SH3PXD2A: variants seen among roughly 807,000 people sequenced by gnomAD.
SH3PXD2A encodes the protein SH3 and PX domains 2A, also known as SH3 and PX domain-containing protein 2A.
SH3PXD2A carries 32 observed loss-of-function variants against 115.2 expected under a neutral mutation model. The ratio of observed to expected loss-of-function variants is 0.28; its 90% CI spans 0.21 to 0.37. The LOEUF (loss-of-function observed/expected upper bound fraction) is 0.37. Among genes scored for constraint, SH3PXD2A ranks in the 10% least tolerant of loss-of-function variants. The pLI is 1.00. For synonymous variants in SH3PXD2A, 610 were observed against 629.1 expected (o/e 0.97, Z 0.45); for missense variants, 1,328 against 1,498.7 (o/e 0.89, Z 1.88).
At chr10:103,629,832 C>G (rs1450161483) in intron 8 of SH3PXD2A, among the ~76,000 whole-genome samples, 1 of 152,222 alleles carries the variant, frequency 6.6e-6, no homozygotes, top group Non-Finnish European at 1.5e-5. Flanking sequence ...CTACCCTTTA[C>G]AGAGACATCC....
intron 6 of SH3PXD2A, among the ~76,000 whole-genome samples, chr10:103,672,199 C>T (rs549317678): frequency 6.6e-6 from 1 of 152,346 alleles, no homozygotes; most frequent in Admixed American, 6.5e-5. Flanking sequence ...GCATGAGAAT[C>T]GCTTTAACCC....
chr10:103,725,808 A>C (rs1228941218), intron 4 of SH3PXD2A, among the ~76,000 whole-genome samples: 2 of 152,142 alleles, frequency 1.3e-5, no homozygotes, highest in Non-Finnish European at 2.9e-5. Context: ...CAGCCTGGGC[A>C]ACAGAGCAAG....
intron 1 of SH3PXD2A, among the ~76,000 whole-genome samples, chr10:103,818,111 A>G (rs2134286016): frequency 6.6e-6 from 1 of 152,366 alleles, no homozygotes; most frequent in East Asian, 1.9e-4. Context: ...AAAAGTTAGA[A>G]GGGAGACAAT....
In SH3PXD2A at chr10:103,602,023, C is replaced by T. The variant is rs749185172; in HGVS notation, c.3195G>A (p.Lys1065=). 6.2e-7 allele frequency: 1 copy of T among 1,613,010 alleles called. No homozygotes were observed. The highest frequency in any genetic ancestry group is 8.5e-7 in the Non-Finnish European group (1 of 1,179,346). The part of the protein sequence containing the change: ...VSPVRPKPIE[K]SQFIHNNLKD... ...TGAGGTTATTGTGGATGAACTGAGA[C>T]TTCTCGATGGGCTTGGGGCGCACAG... The change falls in exon 15 of 15, where the codon AAG becomes AAA. Residue 1065 remains lysine, a synonymous_variant. Coordinates refer to ENST00000369774, the MANE Select transcript of SH3PXD2A (RefSeq NM_001394015.1).
chr10:103,677,109 G>A (rs1335621480), intron 6 of SH3PXD2A, among the ~76,000 whole-genome samples: 1 of 152,196 alleles, frequency 6.6e-6, no homozygotes, highest in African/African-American at 2.4e-5. Context: ...AATAGCAACG[G>A]ACTCAGGACA....
chr10:103,624,930 T>C (rs560350433), intron 9 of SH3PXD2A, among the ~76,000 whole-genome samples: 27 of 152,282 alleles, frequency 1.8e-4, no homozygotes, highest in African/African-American at 6.0e-4. Flanking sequence ...TATCCAGAAG[T>C]TGCCAGGAGA....
chr10:103,801,496 T>C, intron 1 of SH3PXD2A, 134 bp from the exon 2 acceptor site: 1 of 596,350 alleles, frequency 1.7e-6, no homozygotes, highest in Non-Finnish European at 3.1e-6. Flanking sequence ...CCCTAGGGGC[T>C]AGCACAGTAT....
At chr10:103,653,233 C>T (rs1209461544) in intron 8 of SH3PXD2A, among the ~76,000 whole-genome samples, 1 of 152,244 alleles carries the variant, frequency 6.6e-6, no homozygotes, top group Non-Finnish European at 1.5e-5. Context: ...GACACTTAGT[C>T]AGCTCGTACA....
chr10:103,719,136 G>A (rs888238181), intron 5 of SH3PXD2A, among the ~76,000 whole-genome samples: 1 of 152,200 alleles, frequency 6.6e-6, no homozygotes, highest in Non-Finnish European at 1.5e-5. Flanking sequence ...AGCCACCCAG[G>A]CTATGGTACT....
intron 4 of SH3PXD2A, among the ~76,000 whole-genome samples, chr10:103,725,457 CG>C (rs1226518726): frequency 1.3e-5 from 2 of 152,022 alleles, no homozygotes; most frequent in African/African-American, 2.4e-5. Context: ...ATGGCAAGTG[CG>C]TGGGCCAGCT....
At chr10:103,747,259 G>A (rs2038515186) in intron 3 of SH3PXD2A, among the ~76,000 whole-genome samples, 1 of 152,182 alleles carries the variant, frequency 6.6e-6, no homozygotes, top group South Asian at 2.1e-4. Context: ...CCTCCAGGAC[G>A]CAGACACAGT....
intron 2 of SH3PXD2A, among the ~76,000 whole-genome samples, chr10:103,796,906 G>A (rs2039095760): frequency 6.9e-6 from 1 of 145,836 alleles, no homozygotes; most frequent in Non-Finnish European, 1.5e-5. Context: ...CTGTTGCCCA[G>A]GCTGGAGTGC....
At chr10:103,766,608 C>T (rs1163529582) in intron 3 of SH3PXD2A, among the ~76,000 whole-genome samples, 1 of 152,194 alleles carries the variant, frequency 6.6e-6, no homozygotes, top group Non-Finnish European at 1.5e-5. Context: ...AAGTTTTCCT[C>T]TAAATTACAT....
At position 103,824,998 on chromosome 10, in the gene SH3PXD2A, C is replaced by T. The variant is rs192844719; in HGVS notation, c.73-23636G>A. Among the ~76,000 whole-genome samples the T allele has an allele frequency of 2.2e-4, 33 of 152,292 alleles. No individual in the cohort carries two copies. The East Asian group carries it at 5.6e-3, about 26-fold the overall frequency. Reference sequence around the variant, plus strand: ...TTGTATTTTTGTAGAGATAGGGTTTCGCCAAGTTATCCTGGCTGGTCTTGA... The same window carrying T: ...TTGTATTTTTGTAGAGATAGGGTTTTGCCAAGTTATCCTGGCTGGTCTTGA... On this transcript the variant is annotated intron_variant, in intron 1 of 14. Coordinates refer to ENST00000369774, the MANE Select transcript of SH3PXD2A (RefSeq NM_001394015.1).
rs553881512 is a variant in SH3PXD2A at position 103,632,889 on chromosome 10, C to T, written c.605-5687G>A. Among the ~76,000 whole-genome samples, 16 of 152,188 alleles carry T rather than the reference C, an allele frequency of 1.1e-4. No homozygotes were observed. In the South Asian group the frequency reaches 2.1e-3, roughly 20 times the overall value. On this transcript the variant is annotated intron_variant, in intron 8 of 14. Coordinates refer to ENST00000369774, the MANE Select transcript of SH3PXD2A (RefSeq NM_001394015.1). ...ACTCGAGAGGCTGAGGCAGGAGAAT[C>T]GCTTGAACCTGGAGGTAGAGGTTGC...
chr10:103,691,218 G>GTGC (rs2037746550), intron 6 of SH3PXD2A, among the ~76,000 whole-genome samples: 1 of 152,230 alleles, frequency 6.6e-6, no homozygotes, highest in African/African-American at 2.4e-5. Flanking sequence ...CCTTCAGAAA[G>GTGC]TGCTACTGCT....
chr10:103,633,741 A>C (rs1005537026), intron 8 of SH3PXD2A, among the ~76,000 whole-genome samples: 32 of 150,878 alleles, frequency 2.1e-4, no homozygotes, highest in Non-Finnish European at 2.5e-4. Flanking sequence ...AAAAAAAAAA[A>C]AAAAAAAAAA....
At chr10:103,626,531 C>G (rs1174590260) in intron 9 of SH3PXD2A, among the ~76,000 whole-genome samples, 1 of 149,926 alleles carries the variant, frequency 6.7e-6, no homozygotes, top group Non-Finnish European at 1.5e-5. Context: ...GCTTAGAGGG[C>G]AGGGGCAGAC....
At chr10:103,803,460 C>T (rs2039166832) in intron 1 of SH3PXD2A, among the ~76,000 whole-genome samples, 2 of 152,142 alleles carry the variant, frequency 1.3e-5, no homozygotes, top group Non-Finnish European at 2.9e-5. Context: ...CAGCATAAAG[C>T]ATGTATATGC....
Sources: allele counts gnomAD v4.1 joint callset (sites outside exome capture counted in the v4.1 genomes callset), GRCh38; gene constraint gnomAD v4.1.1; transcripts MANE v1.5; gene names NCBI Gene and HGNC (gene_info 2026-07-23, HGNC 2026-07-21).